Variants in GLRA2 observed in about 807,000 individuals in gnomAD.
GLRA2 encodes glycine receptor subunit alpha-2.
Under a neutral mutation model 31.6 loss-of-function variants are expected in GLRA2, and 11 were observed. The ratio of observed to expected loss-of-function variants is 0.35; its 90% CI spans 0.22 to 0.58. The LOEUF (loss-of-function observed/expected upper bound fraction) is 0.58, where lower values mean the gene tolerates loss of function less well. Among genes scored for constraint, GLRA2 ranks in the 20% least tolerant of loss-of-function variants. The pLI is 0.84. For synonymous variants in GLRA2, 132 were observed against 134.0 expected (o/e 0.99, Z 0.10); for missense variants, 212 against 351.8 (o/e 0.60, Z 3.18).
chrX:14,621,348 G>A (rs1476393743), intron 7 of GLRA2, among the ~76,000 whole-genome samples: 1 of 110,119 alleles, frequency 9.1e-6, no homozygotes, highest in Non-Finnish European at 1.9e-5. Flanking sequence ...AAAACTAAAA[G>A]TTTGTTCTGA....
intron 7 of GLRA2, among the ~76,000 whole-genome samples, chrX:14,658,477 C>T (rs1161764867): frequency 8.9e-6 from 1 of 111,980 alleles, no homozygotes; most frequent in Non-Finnish European, 1.9e-5. Flanking sequence ...CCTCCCTCAT[C>T]ATAAGCAATG....
chrX:14,685,098 A>G (rs767670003), intron 7 of GLRA2, among the ~76,000 whole-genome samples: 7 of 111,559 alleles, frequency 6.3e-5, no homozygotes, highest in African/African-American at 2.3e-4. Context: ...CTTTGGTTCC[A>G]TTTATACGCT....
At chrX:14,639,908 TAA>T (rs1029359525) in intron 7 of GLRA2, among the ~76,000 whole-genome samples, 1 of 112,231 alleles carries the variant, frequency 8.9e-6, no homozygotes, top group Non-Finnish European at 1.9e-5. Context: ...ATATTCATAG[TAA>T]AAAGTTTTTA....
the GLRA2 span, among the ~76,000 whole-genome samples, chrX:14,451,287 CAT>C: frequency 6.3e-5 from 7 of 111,007 alleles, no homozygotes; most frequent in Non-Finnish European, 9.4e-5. Context: ...CAAAACTTCA[CAT>C]GTCAATATTA....
chrX:14,555,873 A>T (rs1044762681), intron 2 of GLRA2, among the ~76,000 whole-genome samples: 3 of 112,066 alleles, frequency 2.7e-5, no homozygotes, highest in African/African-American at 9.7e-5. Flanking sequence ...TTGAACATTT[A>T]CTGAATGCCT....
the GLRA2 span, among the ~76,000 whole-genome samples, chrX:14,511,418 A>G: frequency 1.8e-5 from 2 of 111,760 alleles, no homozygotes; most frequent in African/African-American, 6.5e-5. Context: ...CTTTGTATCA[A>G]TAGAATTCTT....
chrX:14,677,863 G>A (rs889133305), intron 7 of GLRA2, among the ~76,000 whole-genome samples: 6 of 110,689 alleles, frequency 5.4e-5, no homozygotes, highest in African/African-American at 1.6e-4. Flanking sequence ...TAGTTACCTC[G>A]GTTTTTTGTT....
At chrX:14,723,322 T>C (rs1289153525) in intron 8 of GLRA2, among the ~76,000 whole-genome samples, 1 of 112,199 alleles carries the variant, frequency 8.9e-6, no homozygotes, top group East Asian at 2.8e-4. Context: ...CTAAGACCTG[T>C]TGATTGCCCC....
Position 14,730,366 on chromosome X carries a change from C to T in GLRA2, c.1240C>T (p.Arg414Trp). Residue 414 changes from arginine to tryptophan, a missense_variant, in exon 9 of 9, where the codon CGG (arginine) becomes TGG (tryptophan). Physicochemically the swap from Arg to Trp is moderately radical, Grantham distance 101 (BLOSUM62 -3). Coordinates refer to ENST00000218075, the MANE Select transcript of GLRA2 (RefSeq NM_002063.4). ...TGCTATCAAGAAGAAGTTTGTGGACCGGGCAAAAAGGATTGACACGATATC... is the reference window on the plus strand; with the variant it reads ...TGCTATCAAGAAGAAGTTTGTGGACTGGGCAAAAAGGATTGACACGATATC... ...GDAIKKKFVDRAKRIDTISRA... is the reference protein window; with the variant it reads ...GDAIKKKFVDWAKRIDTISRA... The T allele has an allele frequency of 9.9e-6, 12 of 1,209,932 alleles. No individual in the cohort carries two copies. The highest frequency in any genetic ancestry group is 1.3e-5 in the Non-Finnish European group (12 of 894,375).
Position 14,730,394 on chromosome X carries a change from G to C in GLRA2, c.1268G>C (p.Arg423Pro). 1 of 1,204,900 alleles carries C rather than the reference G, an allele frequency of 8.3e-7. No individual in the cohort carries two copies. Among genetic ancestry groups the C allele is most frequent in the Non-Finnish European group, 1.1e-6 (1 of 889,811 alleles). Reference sequence around the variant, plus strand: ...GCAAAAAGGATTGACACGATATCTCGAGCTGCCTTCCCATTGGCCTTCCTC... The same window carrying C: ...GCAAAAAGGATTGACACGATATCTCCAGCTGCCTTCCCATTGGCCTTCCTC... Reference protein sequence around the residue: ...DRAKRIDTISRAAFPLAFLIF... With the variant: ...DRAKRIDTISPAAFPLAFLIF... Residue 423 changes from arginine (R) to proline (P), a missense_variant, in exon 9 of 9, where the codon CGA becomes CCA. Physicochemically the swap from Arg to Pro is moderately radical, Grantham distance 103 (BLOSUM62 -2). This residue lies in a region of GLRA2 where 42 missense variants were observed against 52.0 expected (regional missense o/e 0.81). Coordinates refer to ENST00000218075, the MANE Select transcript of GLRA2 (RefSeq NM_002063.4).
chrX:14,702,663 CA>C (rs1373306507), intron 8 of GLRA2, among the ~76,000 whole-genome samples: 1 of 111,187 alleles, frequency 9.0e-6, no homozygotes, highest in Non-Finnish European at 1.9e-5. Flanking sequence ...TCTGTAGGTC[CA>C]AAATGGGCCT....
intron 2 of GLRA2, among the ~76,000 whole-genome samples, chrX:14,535,347 A>T (rs1453096522): frequency 8.9e-6 from 1 of 112,420 alleles, no homozygotes; most frequent in Non-Finnish European, 1.9e-5. Flanking sequence ...TTGCATGTCT[A>T]TTCCATATTC....
At chrX:14,452,009 G>T in the GLRA2 span, among the ~76,000 whole-genome samples, 2 of 111,654 alleles carry the variant, frequency 1.8e-5, no homozygotes, top group African/African-American at 6.5e-5. Flanking sequence ...ATTTTACATA[G>T]ATTTGGAATG....
intron 4 of GLRA2, among the ~76,000 whole-genome samples, chrX:14,590,640 A>G (rs766803506): frequency 6.7e-4 from 75 of 111,746 alleles, no homozygotes; most frequent in Middle Eastern, 9.3e-3. Flanking sequence ...ATAAGCCCGT[A>G]TTTTCTATTA....
At chrX:14,530,282 A>C (rs2089236490) in intron 1 of GLRA2, among the ~76,000 whole-genome samples, 157 bp downstream of exon 1, 1 of 111,861 alleles carries the variant, frequency 8.9e-6, no homozygotes, top group African/African-American at 3.2e-5. Context: ...TAATTGTGGG[A>C]GGGTGGTAAA....
chrX:14,607,300 T>A, intron 6 of GLRA2, 32 bp downstream of exon 6: 1 of 1,085,316 alleles, frequency 9.2e-7, no homozygotes, highest in Non-Finnish European at 1.2e-6. Flanking sequence ...TTTCAGCTGT[T>A]AAACACAAGT....
At chrX:14,568,817 A>G (rs988518454) in intron 2 of GLRA2, among the ~76,000 whole-genome samples, 9 of 112,248 alleles carry the variant, frequency 8.0e-5, no homozygotes, top group Non-Finnish European at 1.1e-4. Flanking sequence ...AAATGAATCA[A>G]TTACCTAAAT....
the GLRA2 span, among the ~76,000 whole-genome samples, chrX:14,518,576 T>G: frequency 8.9e-6 from 1 of 111,805 alleles, no homozygotes; most frequent in East Asian, 2.8e-4. Flanking sequence ...TTACATAATA[T>G]TGACCTAAAT....
At chrX:14,631,727 C>T (rs1381644212) in intron 7 of GLRA2, among the ~76,000 whole-genome samples, 1 of 105,493 alleles carries the variant, frequency 9.5e-6, no homozygotes, top group Non-Finnish European at 1.9e-5. Flanking sequence ...CTCAGTTACT[C>T]TTCTCACATG....
Sources: gnomAD v4.1 joint callset for allele counts (sites outside exome capture counted in the v4.1 genomes callset) on GRCh38, gnomAD v4.1.1 for gene constraint, gnomAD v4.1.1 regional missense constraint, MANE v1.5 for transcripts, NCBI Gene and HGNC (gene_info 2026-07-23, HGNC 2026-07-21) for gene names.